The following RFPL3 variants were observed in gnomAD, a reference collection of about 807,000 sequenced individuals.
RFPL3 encodes the protein ret finger protein like 3, also known as ret finger protein-like 3.
In RFPL3, 8 loss-of-function variants were observed where a neutral mutation model predicts 8.7. That is an observed-to-expected ratio of 0.92 (90% CI 0.54 to 1.66). The LOEUF is 1.66. Ranked by LOEUF, RFPL3 falls within the 40% of genes most tolerant of loss-of-function variation. The pLI is 0.00. For missense variants in RFPL3, 341 were observed against 395.0 expected, an observed-to-expected ratio of 0.86 and a Z score of 1.16; for synonymous variants, 145 against 150.5, an observed-to-expected ratio of 0.96 and a Z score of 0.27.
chr22:32,359,611 G>C (rs1186109956), intron 1 of RFPL3, among the ~76,000 whole-genome samples: 3 of 151,962 alleles, frequency 2.0e-5, no homozygotes, highest in African/African-American at 4.8e-5. Flanking sequence ...CCTTTCTCTT[G>C]GCTCCAAAAT....
chr22:32,358,933 G>A (rs1327901092), intron 1 of RFPL3, among the ~76,000 whole-genome samples: 1 of 152,214 alleles, frequency 6.6e-6, no homozygotes, highest in Non-Finnish European at 1.5e-5. Context: ...TGGGAATGGA[G>A]CACCTATGGT....
upstream of RFPL3, among the ~76,000 whole-genome samples, chr22:32,355,713 G>A (rs1932641203): frequency 1.3e-5 from 2 of 149,662 alleles, no homozygotes; most frequent in Non-Finnish European, 3.0e-5. Context: ...AACCTGGGAG[G>A]CAGAGGTTGC....
rs1159088120 is a variant in RFPL3, at chr22:32,360,458, C to T, written c.580C>T (p.Leu194=). 2 of 1,613,796 alleles carry T rather than the reference C, an allele frequency of 1.2e-6. No individual in the cohort carries two copies. The highest frequency in any genetic ancestry group is 1.7e-6 in the Non-Finnish European group (2 of 1,179,884). Residue 194 remains leucine (L), a synonymous_variant, in exon 2 of 2, where the codon CTG becomes TTG. Coordinates refer to ENST00000249007, the MANE Select transcript of RFPL3 (RefSeq NM_001098535.1). ...CGTGGGAACAAGCACAGAATGGGAC[C>T]TGGGAGTCTGCAGAGAATCTGTTCA... ...VDVGTSTEWD[L]GVCRESVHCK...
chr22:32,360,336 C>A lies in RFPL3; in HGVS notation c.458C>A (p.Thr153Lys). Reference sequence around the variant, plus strand: ...AGGAGCGTCCGAAGTGGGCTCATCACACAGAATCGGCAAGACCTTGCCGAG... The same window carrying A: ...AGGAGCGTCCGAAGTGGGCTCATCAAACAGAATCGGCAAGACCTTGCCGAG... ...DLRSVRSGLI[T>K]QNRQDLAERF... is the part of the protein sequence containing the mutation. The change falls in exon 2 of 2, where the codon ACA (threonine) becomes AAA (lysine). Residue 153 changes from threonine (T) to lysine (K), a missense_variant. Physicochemically the swap from Thr to Lys is moderately conservative, Grantham distance 78. Transcript: ENST00000249007. The A allele has an allele frequency of 6.2e-7, 1 of 1,613,942 alleles. No individual in the cohort carries two copies. Among genetic ancestry groups the A allele is most frequent in the East Asian group, 2.2e-5 (1 of 44,882 alleles).
intron 1 of RFPL3, 44 bp downstream of exon 1, chr22:32,358,488 G>A (rs1236824382): frequency 6.4e-7 from 1 of 1,567,024 alleles, no homozygotes; most frequent in Non-Finnish European, 8.6e-7. Flanking sequence ...GACCAGACCA[G>A]GAAAAATCAT....
chr22:32,356,548 G>T (rs1370247273), upstream of RFPL3: 2 of 178,854 alleles, frequency 1.1e-5, no homozygotes, highest in Non-Finnish European at 2.4e-5. Context: ...CTGGTTGACG[G>T]TGAGGATATT....
rs1601408911 is a variant in RFPL3 at position 32,361,035 on chromosome 22, C to T, written c.*203C>T. 1.7e-5 allele frequency: 8 copies of T among 465,750 alleles called. No individual in the cohort carries two copies. The highest frequency in any genetic ancestry group is 2.9e-5 in the Non-Finnish European group (8 of 277,580). The allele number at this position is 465,750 out of a possible 1,614,324, so 28.9% of individuals were successfully genotyped here. A position where few individuals can be genotyped will look rare whatever the true frequency, so the allele number is the denominator to read the frequency against. On this transcript the variant is annotated 3_prime_UTR_variant, in exon 2 of 2. Transcript: ENST00000249007. Reference sequence around the variant, plus strand: ...ACTCATTGAGTCTTATGGTTCACATCTTGTTTCCTATAGAAATGTTCTGTA... The same window carrying T: ...ACTCATTGAGTCTTATGGTTCACATTTTGTTTCCTATAGAAATGTTCTGTA...
At chr22:32,357,408 G>A (rs1007948753), upstream of RFPL3, among the ~76,000 whole-genome samples, 1 of 151,872 alleles carries the variant, frequency 6.6e-6, no homozygotes, top group Non-Finnish European at 1.5e-5. Context: ...GGGCTCAAGG[G>A]ATCTTCCTGC....
chr22:32,356,764 C>A, upstream of RFPL3: 3 of 382,788 alleles, frequency 7.8e-6, no homozygotes, highest in South Asian at 6.2e-5. Context: ...CTCCACTGGT[C>A]GGGTGTCAGG....
upstream of RFPL3, among the ~76,000 whole-genome samples, chr22:32,355,800 A>AAG (rs1556020592): frequency 1.1e-3 from 168 of 146,834 alleles, 3 homozygotes; most frequent in African/African-American, 3.3e-3. Context: ...AAAAAAAAAA[A>AAG]GAAAGAAAAG....
intron 1 of RFPL3, among the ~76,000 whole-genome samples, chr22:32,358,774 G>A (rs1369711435): frequency 2.0e-5 from 3 of 152,206 alleles, no homozygotes; most frequent in South Asian, 2.1e-4. Context: ...ACTTTGCTGA[G>A]TAGCAAAAAC....
In RFPL3 at chr22:32,361,042, C is replaced by A; in HGVS notation, c.*210C>A. 2.2e-6 allele frequency: 1 copy of A among 451,648 alleles called. No individual in the cohort carries two copies. 28.0% of individuals were successfully genotyped at this position (451,648 alleles called of 1,614,324 possible). ...GAGTCTTATGGTTCACATCTTGTTT[C>A]CTATAGAAATGTTCTGTATTCTCGG... is the stretch of plus-strand genomic sequence containing the variant. On this transcript the variant is annotated 3_prime_UTR_variant, in exon 2 of 2. Transcript: ENST00000249007.
intron 1 of RFPL3, among the ~76,000 whole-genome samples, chr22:32,358,833 C>G (rs1601406793): frequency 6.6e-6 from 1 of 152,324 alleles, no homozygotes; most frequent in East Asian, 1.9e-4. Flanking sequence ...TCCCATGAAT[C>G]TGACATTAAG....
rs1449743963 is a variant in RFPL3, at chr22:32,360,117, GAA to G, written c.374-132_374-131del. 6 of 1,207,240 alleles carry G rather than the reference GAA, an allele frequency of 5.0e-6. No homozygotes were observed. The Admixed American group carries it at 1.7e-4, about 34-fold the overall frequency. 74.8% of individuals were successfully genotyped at this position (1,207,240 alleles called of 1,614,324 possible). Reference sequence around the variant, plus strand: ...ATTTGAAATAGGGAAGTTTCCTCATGAAAAGTTTTGATTTTGGAGGAAGAAAC... The same window carrying G: ...ATTTGAAATAGGGAAGTTTCCTCATGAAGTTTTGATTTTGGAGGAAGAAAC... On this transcript the variant is annotated intron_variant, in intron 1 of 1. Coordinates refer to ENST00000249007, the MANE Select transcript of RFPL3 (RefSeq NM_001098535.1).
chr22:32,355,330 A>C (rs1012282605), upstream of RFPL3, among the ~76,000 whole-genome samples: 1 of 152,118 alleles, frequency 6.6e-6, no homozygotes, highest in Admixed American at 6.5e-5. Context: ...CGGTAAGGGG[A>C]AGTCTCAGTT....
Position 32,360,525 on chromosome 22 carries a change from G to A in RFPL3, c.647G>A (p.Trp216Ter). 6.2e-7 allele frequency: 1 copy of A among 1,613,930 alleles called. No homozygotes were observed. The highest frequency in any genetic ancestry group is 8.5e-7 in the Non-Finnish European group (1 of 1,179,858). The change falls in exon 2 of 2, where the codon TGG becomes TAG. Residue 216 changes from tryptophan (W) to a stop codon, truncating the protein, a stop_gained. Coordinates refer to ENST00000249007, the MANE Select transcript of RFPL3 (RefSeq NM_001098535.1). LOFTEE classifies it low-confidence loss of function (END_TRUNC). ...KIQLTTELGF[W>*]TVSLRDGSRL... ...CAGCTGACCACAGAGCTTGGATTCT[G>A]GACTGTGAGTTTGAGGGATGGAAGC...
upstream of RFPL3, among the ~76,000 whole-genome samples, chr22:32,355,362 T>A (rs926713351): frequency 2.6e-5 from 4 of 152,130 alleles, no homozygotes; most frequent in Non-Finnish European, 5.9e-5. Flanking sequence ...TAGGCTATGT[T>A]CTCTGTCTCC....
At chr22:32,360,038 A>G in intron 1 of RFPL3, 1 of 599,260 alleles carries the variant, frequency 1.7e-6, no homozygotes, top group Admixed American at 3.4e-5. Context: ...AAGTAAAATA[A>G]GAATTGCTAC....
intron 1 of RFPL3, chr22:32,359,857 G>C (rs1264389005): frequency 4.8e-6 from 1 of 207,484 alleles, no homozygotes; most frequent in African/African-American, 2.3e-5. Flanking sequence ...TACTGAATTG[G>C]AGCAATAAAA....
Sources: gnomAD v4.1 joint callset for allele counts (sites outside exome capture counted in the v4.1 genomes callset) on GRCh38, gnomAD v4.1.1 for gene constraint, MANE v1.5 for transcripts, NCBI Gene and HGNC (gene_info 2026-07-23, HGNC 2026-07-21) for gene names.